SAMD3: variants seen among roughly 807,000 people sequenced by gnomAD.
The protein encoded by SAMD3 is sterile alpha motif domain-containing protein 3.
SAMD3 carries 63 observed loss-of-function variants against 58.5 expected under a neutral mutation model. That is an observed-to-expected ratio of 1.08 (90% confidence interval 0.88 to 1.33). The LOEUF is 1.33. SAMD3 is among the 40% of genes most tolerant of loss of function. SAMD3 has a pLI of 0.00. For synonymous variants in SAMD3, 220 were observed against 210.3 expected, an observed-to-expected ratio of 1.05 and a Z score of -0.40; for missense variants, 604 against 608.4, an observed-to-expected ratio of 0.99 and a Z score of 0.08.
chr6:130,151,419 A>C (rs773561372), intron 9 of SAMD3, among the ~76,000 whole-genome samples: 1 of 151,884 alleles, frequency 6.6e-6, no homozygotes, highest in Non-Finnish European at 1.5e-5. Context: ...AACCAAACTC[A>C]AATTCTTTAT....
At chr6:130,254,617 G>A (rs1270238486) in intron 2 of SAMD3, among the ~76,000 whole-genome samples, 2 of 151,960 alleles carry the variant, frequency 1.3e-5, no homozygotes, top group Non-Finnish European at 2.9e-5. Flanking sequence ...GTGTAAGCCA[G>A]TATTGAATAC....
rs1175621270 is a variant in SAMD3 at position 130,183,278 on chromosome 6, A to C, written c.654+825T>G. On this transcript the variant is annotated intron_variant, in intron 7 of 11. Coordinates refer to ENST00000439090, the MANE Select transcript of SAMD3 (RefSeq NM_001017373.4). ...CTTGAACCCAGGAGGCGGAGGTTGCAGTGAGCTGAGATCGCGCCACTATAC... is the reference window on the plus strand; with the variant it reads ...CTTGAACCCAGGAGGCGGAGGTTGCCGTGAGCTGAGATCGCGCCACTATAC... 2.3e-5 allele frequency: 10 copies of C among 426,534 alleles called. 1 individual carries two copies. The East Asian group carries it at 2.8e-4, about 12-fold the overall frequency. The allele number at this position is 426,534 out of a possible 1,614,324, so 26.4% of individuals were successfully genotyped here. A position where few individuals can be genotyped will look rare whatever the true frequency, so the allele number is the denominator to read the frequency against.
chr6:130,163,560 G>T (rs72618513), intron 8 of SAMD3, among the ~76,000 whole-genome samples: 1 of 152,104 alleles, frequency 6.6e-6, no homozygotes, highest in South Asian at 2.1e-4. Context: ...GTAAAACTTC[G>T]CAGTATTAGT....
intron 4 of SAMD3, among the ~76,000 whole-genome samples, chr6:130,211,493 A>G (rs1795557484): frequency 6.6e-6 from 1 of 152,006 alleles, no homozygotes; most frequent in African/African-American, 2.4e-5. Context: ...CATGTTGGTC[A>G]GGCTGGTCTC....
chr6:130,314,136 G>A (rs1776279945), intron 1 of SAMD3, among the ~76,000 whole-genome samples: 1 of 152,190 alleles, frequency 6.6e-6, no homozygotes, highest in Non-Finnish European at 1.5e-5. Flanking sequence ...CGTAAAATAT[G>A]TACACTGGAG....
intron 9 of SAMD3, among the ~76,000 whole-genome samples, chr6:130,150,105 G>A (rs1317119380): frequency 6.7e-6 from 1 of 148,422 alleles, no homozygotes; most frequent in Non-Finnish European, 1.5e-5. Flanking sequence ...GTTCATGTGT[G>A]TGTGTGTGCG....
At chr6:130,189,180 A>G (rs1052244157) in intron 5 of SAMD3, among the ~76,000 whole-genome samples, 2 of 151,964 alleles carry the variant, frequency 1.3e-5, no homozygotes, top group African/African-American at 4.8e-5. Flanking sequence ...TTCAAATTCT[A>G]TATGTTGAAG....
intron 7 of SAMD3, among the ~76,000 whole-genome samples, chr6:130,177,860 T>C (rs1254485914): frequency 2.0e-5 from 3 of 152,156 alleles, no homozygotes; most frequent in Non-Finnish European, 4.4e-5. Flanking sequence ...TGATGTCTTG[T>C]GTCAATACTC....
intron 2 of SAMD3, among the ~76,000 whole-genome samples, chr6:130,271,474 T>A (rs778488933): frequency 7.9e-5 from 12 of 152,242 alleles, no homozygotes; most frequent in Non-Finnish European, 1.5e-4. Flanking sequence ...TAAGATTTTC[T>A]TATGTTTATT....
In SAMD3 at chr6:130,194,342, CA is replaced by C. The variant is rs1478000384; in HGVS notation, c.384-9720del. Among the ~76,000 whole-genome samples the C allele has an allele frequency of 2.0e-5, 3 of 152,186 alleles. No individual in the cohort carries two copies. In the East Asian group the frequency reaches 5.8e-4, roughly 29 times the overall value. ...TTTACAGCCCTAGACCCTAAAAGGT[CA>C]AAAGGCTGTCTTATTCTCAATATAC... On this transcript the variant is annotated intron_variant, in intron 5 of 11. Coordinates refer to ENST00000439090, the MANE Select transcript of SAMD3 (RefSeq NM_001017373.4).
At chr6:130,322,824 T>A (rs912615826) in intron 1 of SAMD3, among the ~76,000 whole-genome samples, 6 of 152,222 alleles carry the variant, frequency 3.9e-5, no homozygotes, top group Non-Finnish European at 5.9e-5. Context: ...TTACTTGAAT[T>A]AACAATTTCT....
intron 2 of SAMD3, among the ~76,000 whole-genome samples, chr6:130,240,574 C>A (rs1369785819): frequency 6.6e-6 from 1 of 152,134 alleles, no homozygotes; most frequent in African/African-American, 2.4e-5. Context: ...ATGTGTCCCT[C>A]AAAAATCGTG....
intron 7 of SAMD3, among the ~76,000 whole-genome samples, chr6:130,178,380 G>A (rs62431166): frequency 6.7e-6 from 1 of 149,872 alleles, no homozygotes; most frequent in Non-Finnish European, 1.5e-5. Flanking sequence ...GTGCGGGGAA[G>A]GGAAAAAAAA....
At chr6:130,177,110 C>G (rs77691902) in intron 7 of SAMD3, among the ~76,000 whole-genome samples, 1,709 of 152,222 alleles carry the variant, frequency 0.011, 31 homozygotes, top group African/African-American at 0.039. Flanking sequence ...CCTGGAGGAC[C>G]TGTTAGAGCA....
intron 8 of SAMD3, among the ~76,000 whole-genome samples, chr6:130,162,604 G>A (rs1790373354): frequency 6.6e-6 from 1 of 152,122 alleles, no homozygotes; most frequent in Non-Finnish European, 1.5e-5. Flanking sequence ...AGCTCCCAAA[G>A]TGCTGGGGTT....
intron 2 of SAMD3, among the ~76,000 whole-genome samples, chr6:130,308,375 A>ATTCTATTCTATTCT (rs1775994274): frequency 1.6e-5 from 2 of 122,188 alleles, no homozygotes; most frequent in African/African-American, 6.3e-5. Flanking sequence ...ATTCTATTCT[A>ATTCTATTCTATTCT]TTCTATTCTA....
At chr6:130,225,239 C>A (rs116765938), upstream of SAMD3, among the ~76,000 whole-genome samples, 1 of 152,150 alleles carries the variant, frequency 6.6e-6, no homozygotes, top group African/African-American at 2.4e-5. Context: ...CAAGTATTGC[C>A]AAGGAAGAAG....
chr6:130,349,840 G>A lies in SAMD3; in HGVS notation c.-304+15280C>T, dbSNP rs181492797. 4.2e-3 allele frequency among the ~76,000 whole-genome samples: 635 copies of A among 152,184 alleles called. 7 individuals are homozygous for A. Among genetic ancestry groups the A allele is most frequent in the African/African-American group, 0.014 (591 of 41,504 alleles). Reference sequence around the variant, plus strand: ...ATCCTCAATAAAATACTGGCAAATCGAATCCAGCAGCACATCAAAAAGCTT... The same window carrying A: ...ATCCTCAATAAAATACTGGCAAATCAAATCCAGCAGCACATCAAAAAGCTT... On this transcript the variant is annotated intron_variant, in intron 1 of 13. Coordinates refer to the SAMD3 transcript ENST00000368134.
At position 130,213,203 on chromosome 6, in the gene SAMD3, C is replaced by G. The variant is rs776149508; in HGVS notation, c.269+1134G>C. Among the ~76,000 whole-genome samples, 33 of 152,022 alleles carry G rather than the reference C, an allele frequency of 2.2e-4. 1 individual carries two copies. The highest frequency in any genetic ancestry group is 1.2e-3 in the East Asian group (6 of 5,174). On this transcript the variant is annotated intron_variant, in intron 4 of 11. Coordinates refer to ENST00000439090, the MANE Select transcript of SAMD3 (RefSeq NM_001017373.4). ...ATCCCAACTGCTTGGGAGGCGGAAG[C>G]AGGAGGATTGCTTGAGCCCAGGAAT...
Sources: gnomAD v4.1 joint callset for allele counts (sites outside exome capture counted in the v4.1 genomes callset) on GRCh38, gnomAD v4.1.1 for gene constraint, MANE v1.5 for transcripts, NCBI Gene and HGNC (gene_info 2026-07-23, HGNC 2026-07-21) for gene names.